ARID1B: variants seen among roughly 807,000 people sequenced by gnomAD.
The protein encoded by ARID1B is AT-rich interaction domain 1B.
A neutral mutation model predicts 212.3 loss-of-function variants in ARID1B; 30 were observed. The observed-to-expected ratio is 0.14, with a 90% CI of 0.11 to 0.19. The LOEUF (loss-of-function observed/expected upper bound fraction) is 0.19. ARID1B is among the 10% of genes least tolerant of loss of function. The probability of loss-of-function intolerance (pLI) is 1.00; values close to 1 mark genes in which losing one functional copy is unlikely to be tolerated. For missense variants in ARID1B, 2,891 were observed against 3,204.0 expected (o/e 0.90, Z 2.36); for synonymous variants, 1,402 against 1,301.7 (o/e 1.08, Z -1.66).
chr6:156,991,248 T>C (rs555538084), intron 4 of ARID1B, among the ~76,000 whole-genome samples: 8 of 152,344 alleles, frequency 5.3e-5, no homozygotes, highest in African/African-American at 1.9e-4. Flanking sequence ...TTTTGTTTTT[T>C]GAGACGGAGT....
intron 1 of ARID1B, among the ~76,000 whole-genome samples, chr6:156,818,098 ATTTTTTTTT>A (rs71027317): frequency 3.8e-4 from 23 of 61,332 alleles, no homozygotes; most frequent in South Asian, 7.7e-4. Context: ...TAGTTGCCCT[ATTTTTTTTT>A]TTTTTTTTTT....
rs1785500971 is a variant in ARID1B, at chr6:157,094,754, A to AAGTGGAC, written c.2491+9853_2491+9859dup. Among the ~76,000 whole-genome samples the AAGTGGAC allele has an allele frequency of 6.6e-6, 1 of 152,140 alleles. No homozygotes were observed. The highest frequency in any genetic ancestry group is 1.5e-5 in the Non-Finnish European group (1 of 68,034). On this transcript the variant is annotated intron_variant, in intron 5 of 19. Transcript: ENST00000636930. The surrounding 1 kb of genome is among the most constrained non-coding windows in gnomAD (Gnocchi z 4.3). ...TTTTAGGAGGCTCACTGTGGCTGCT[A>AAGTGGAC]AGTGGACAGTATACTGTAGGGGAAG...
chr6:157,129,349 G>A (rs185603802), intron 6 of ARID1B, among the ~76,000 whole-genome samples: 3 of 152,012 alleles, frequency 2.0e-5, no homozygotes, highest in Non-Finnish European at 2.9e-5. Flanking sequence ...CACAATCTAC[G>A]CCTTCCATTC....
rs1440301934 is a variant in ARID1B, at chr6:156,778,193, C to T, written c.513C>T (p.His171=). The T allele has an allele frequency of 2.7e-5, 41 of 1,540,150 alleles. No homozygotes were observed. In the African/African-American group the frequency reaches 3.4e-4, roughly 13 times the overall value. Residue 171 remains histidine, a synonymous_variant, in exon 1 of 20, where the codon CAC becomes CAT. Coordinates refer to ENST00000636930, the MANE Select transcript of ARID1B (RefSeq NM_001374828.1). Reference sequence around the variant, plus strand: ...CCCACCAGCAGCACCACCACCACCACCATGCCCACCACCACCACCACCATG... The same window carrying T: ...CCCACCAGCAGCACCACCACCACCATCATGCCCACCACCACCACCACCATG... ...APPHQQHHHH[H]HAHHHHHHAH...
chr6:156,957,818 G>A lies in ARID1B; in HGVS notation c.2247+22242G>A, dbSNP rs551941740. Among the ~76,000 whole-genome samples the A allele has an allele frequency of 2.6e-5, 4 of 152,172 alleles. No individual in the cohort carries two copies. The East Asian group carries it at 5.8e-4, about 22-fold the overall frequency. ...ATCCTCATTTGCTGGATGAGTAGGGGTTCTGCTGATGGAGATAATGACACC... is the reference window on the plus strand; with the variant it reads ...ATCCTCATTTGCTGGATGAGTAGGGATTCTGCTGATGGAGATAATGACACC... On this transcript the variant is annotated intron_variant, in intron 4 of 19. Coordinates refer to ENST00000636930, the MANE Select transcript of ARID1B (RefSeq NM_001374828.1).
At chr6:156,902,423 T>A (rs1789022695) in intron 3 of ARID1B, among the ~76,000 whole-genome samples, 1 of 152,212 alleles carries the variant, frequency 6.6e-6, no homozygotes, top group Admixed American at 6.5e-5. Flanking sequence ...ACTTCTTTTG[T>A]GGCTTGAATA....
intron 3 of ARID1B, among the ~76,000 whole-genome samples, chr6:156,909,463 C>G (rs1232634848): frequency 6.6e-6 from 1 of 152,168 alleles, no homozygotes; most frequent in Admixed American, 6.5e-5. Context: ...GTTACCACAT[C>G]TTATTAAATT....
At chr6:156,960,095 T>C (rs1794266555) in intron 4 of ARID1B, among the ~76,000 whole-genome samples, 1 of 152,028 alleles carries the variant, frequency 6.6e-6, no homozygotes, top group Non-Finnish European at 1.5e-5. Flanking sequence ...CATGCCCAGC[T>C]AATTTTTGTA....
intron 2 of ARID1B, among the ~76,000 whole-genome samples, chr6:156,830,048 T>C (rs182600367): frequency 1.1e-4 from 17 of 152,326 alleles, no homozygotes; most frequent in African/African-American, 2.6e-4. Flanking sequence ...TCCTTTTTTT[T>C]CTCTGGAATC....
chr6:156,944,754 A>G (rs754859633), intron 4 of ARID1B, among the ~76,000 whole-genome samples: 28 of 152,204 alleles, frequency 1.8e-4, no homozygotes, highest in Non-Finnish European at 3.2e-4. Flanking sequence ...CTAAAAAGTC[A>G]TTCATAAACA....
chr6:156,933,550 C>T (rs1791925757), intron 3 of ARID1B, among the ~76,000 whole-genome samples: 1 of 152,176 alleles, frequency 6.6e-6, no homozygotes, highest in African/African-American at 2.4e-5. Context: ...TCAGCCTTTG[C>T]TTTTGTGCCC....
intron 4 of ARID1B, among the ~76,000 whole-genome samples, chr6:157,018,986 C>CG (rs1562553131): frequency 6.6e-6 from 1 of 151,984 alleles, no homozygotes. Flanking sequence ...AAAAAAAATA[C>CG]GGTAGGCTCA....
chr6:156,901,543 CCCCGCAGG>C lies in ARID1B; in HGVS notation c.2136+19_2136+26del, dbSNP rs1788941431. The C allele has an allele frequency of 5.0e-6, 8 of 1,607,226 alleles. No homozygotes were observed. Among genetic ancestry groups the C allele is most frequent in the Non-Finnish European group, 6.8e-6 (8 of 1,176,790 alleles). On this transcript the variant is annotated intron_variant, in intron 3 of 19. Coordinates refer to ENST00000636930, the MANE Select transcript of ARID1B (RefSeq NM_001374828.1). ...CGCAGCAGGTGAGCACAGTGCACTG[CCCCGCAGG>C]GCCCTGTTTTCTCCACCAAGGCAGA... is the stretch of plus-strand genomic sequence containing the variant.
intron 4 of ARID1B, among the ~76,000 whole-genome samples, chr6:157,042,635 C>T (rs138867291): frequency 0.026 from 3,935 of 149,504 alleles, 63 homozygotes; most frequent in African/African-American, 0.034. Flanking sequence ...TTGGGTCCCA[C>T]AAGATCACAG....
intron 1 of ARID1B, among the ~76,000 whole-genome samples, chr6:156,801,825 A>G (rs559836585): frequency 6.6e-6 from 1 of 152,274 alleles, no homozygotes; most frequent in African/African-American, 2.4e-5. Context: ...GTTTGAAGGA[A>G]AGTCCTTGAT....
At chr6:156,868,935 A>C (rs1398738135) in intron 2 of ARID1B, among the ~76,000 whole-genome samples, 1 of 152,252 alleles carries the variant, frequency 6.6e-6, no homozygotes, top group African/African-American at 2.4e-5. Context: ...ATATAAAAGA[A>C]GTGACAGACC....
intron 5 of ARID1B, among the ~76,000 whole-genome samples, chr6:157,102,798 C>T (rs1474354174): frequency 3.3e-5 from 5 of 151,718 alleles, no homozygotes; most frequent in Non-Finnish European, 7.4e-5. Flanking sequence ...GGGGTTTCAC[C>T]ATATTGACCA....
At chr6:156,870,477 G>C (rs1415600600) in intron 2 of ARID1B, 3 of 152,200 alleles carry the variant, frequency 2.0e-5, no homozygotes, top group East Asian at 1.9e-4. Context: ...TCAGGGCTTA[G>C]GGTAACATGG....
intron 2 of ARID1B, among the ~76,000 whole-genome samples, chr6:156,888,727 G>A (rs190110794): frequency 6.5e-4 from 99 of 152,260 alleles, no homozygotes; most frequent in African/African-American, 2.2e-3. Context: ...TTCTAGGAAA[G>A]TGTTGCTTCT....
Sources: allele counts gnomAD v4.1 joint callset (sites outside exome capture counted in the v4.1 genomes callset), GRCh38; gene constraint gnomAD v4.1.1; non-coding constraint Gnocchi (gnomAD v3.1); transcripts MANE v1.5; gene names NCBI Gene and HGNC (gene_info 2026-07-23, HGNC 2026-07-21).